The following NHSL1 variants were observed in gnomAD, a reference collection of about 807,000 sequenced individuals.
NHSL1 encodes the protein NHS like 1.
In NHSL1, 48 loss-of-function variants were observed where a neutral mutation model predicts 95.0. The ratio of observed to expected loss-of-function variants is 0.51; its 90% CI spans 0.40 to 0.64. The LOEUF (loss-of-function observed/expected upper bound fraction) is 0.64. NHSL1 is among the 30% of genes least tolerant of loss of function. The probability of loss-of-function intolerance (pLI) is 0.00; values close to 1 mark genes in which losing one functional copy is unlikely to be tolerated. For missense variants in NHSL1, 1,971 were observed against 2,077.7 expected (o/e 0.95, Z 1.00); for synonymous variants, 783 against 833.9 (o/e 0.94, Z 1.05).
chr6:138,599,528 A>G (rs1784345689), intron 1 of NHSL1, among the ~76,000 whole-genome samples: 1 of 152,098 alleles, frequency 6.6e-6, no homozygotes, highest in South Asian at 2.1e-4. Flanking sequence ...AAACAGAAAG[A>G]TTTAGAACTC....
chr6:138,557,207 A>G (rs1337873697), intron 1 of NHSL1, among the ~76,000 whole-genome samples: 1 of 152,246 alleles, frequency 6.6e-6, no homozygotes, highest in Non-Finnish European at 1.5e-5. Flanking sequence ...AACAGAAGAT[A>G]AACATGTAAA....
intron 1 of NHSL1, among the ~76,000 whole-genome samples, chr6:138,591,725 C>T (rs752078968): frequency 1.3e-5 from 2 of 152,204 alleles, no homozygotes; most frequent in African/African-American, 4.8e-5. Context: ...AGCCACCCTG[C>T]CCAGCTAATT....
intron 1 of NHSL1, among the ~76,000 whole-genome samples, chr6:138,684,529 C>T (rs1008639453): frequency 3.9e-5 from 6 of 152,034 alleles, no homozygotes; most frequent in Non-Finnish European, 8.8e-5. Flanking sequence ...CCTGTAATCC[C>T]AGCTACTCAG....
At chr6:138,469,673 C>T (rs541321547) in intron 3 of NHSL1, among the ~76,000 whole-genome samples, 6 of 152,126 alleles carry the variant, frequency 3.9e-5, no homozygotes, top group East Asian at 3.9e-4. Flanking sequence ...TACAGTGAAC[C>T]GTGACTGCGC....
Position 138,555,080 on chromosome 6 carries a change from C to A in NHSL1, c.202+16630G>T, listed in dbSNP as rs183125974. Among the ~76,000 whole-genome samples, 28 of 152,240 alleles carry A rather than the reference C, an allele frequency of 1.8e-4. No individual in the cohort carries two copies. In the South Asian group the frequency reaches 4.4e-3, roughly 24 times the overall value. On this transcript the variant is annotated intron_variant, in intron 1 of 6. Coordinates refer to the NHSL1 transcript ENST00000427025. ...CATCTTCAGGGGTGGAGTCTTGCCACGGTGCATAATAATCCCAGAGTTACA... is the reference window on the plus strand; with the variant it reads ...CATCTTCAGGGGTGGAGTCTTGCCAAGGTGCATAATAATCCCAGAGTTACA...
intron 1 of NHSL1, among the ~76,000 whole-genome samples, chr6:138,586,662 C>T (rs1014181978): frequency 2.6e-5 from 4 of 152,258 alleles, no homozygotes; most frequent in African/African-American, 9.6e-5. Flanking sequence ...CTAGAGAAAT[C>T]AATAGTCTCA....
At chr6:138,513,072 A>G (rs75583114) in intron 1 of NHSL1, among the ~76,000 whole-genome samples, 4,382 of 152,258 alleles carry the variant, frequency 0.029, 84 homozygotes, top group Admixed American at 0.048. Flanking sequence ...ACCCCCTCTG[A>G]TATTTCTGGA....
upstream of NHSL1, among the ~76,000 whole-genome samples, chr6:138,504,002 A>T (rs1384118067): frequency 1.3e-5 from 2 of 152,142 alleles, no homozygotes; most frequent in Non-Finnish European, 2.9e-5. Flanking sequence ...AGGCTGAGGC[A>T]GGAGGACTGC....
intron 1 of NHSL1, chr6:138,650,622 C>T (rs1785078787): frequency 1.7e-6 from 1 of 576,640 alleles, no homozygotes; most frequent in Admixed American, 1.9e-5. Flanking sequence ...CCCAATGGAG[C>T]TCAGCACGCC....
intron 1 of NHSL1, among the ~76,000 whole-genome samples, chr6:138,584,375 T>A (rs1304656536): frequency 1.3e-5 from 2 of 152,222 alleles, no homozygotes; most frequent in Non-Finnish European, 2.9e-5. Context: ...ACTTAAAAAA[T>A]TTAAGATGAC....
chr6:138,486,675 C>T (rs527547473), intron 2 of NHSL1, among the ~76,000 whole-genome samples: 37 of 152,306 alleles, frequency 2.4e-4, no homozygotes, highest in Admixed American at 1.4e-3. Flanking sequence ...TCTGATCTCT[C>T]TCCTGTGTTT....
At chr6:138,618,763 C>A (rs1364802530) in intron 1 of NHSL1, among the ~76,000 whole-genome samples, 1 of 152,116 alleles carries the variant, frequency 6.6e-6, no homozygotes, top group African/African-American at 2.4e-5. Context: ...ATGACTTGTA[C>A]CGAGTGATCT....
upstream of NHSL1, among the ~76,000 whole-genome samples, chr6:138,575,968 T>C (rs1025561340): frequency 5.8e-5 from 8 of 137,036 alleles, 1 homozygote; most frequent in African/African-American, 1.5e-4. Flanking sequence ...TACATTTATT[T>C]ATTTATTTAT....
At chr6:138,669,851 T>A (rs993583636) in intron 1 of NHSL1, among the ~76,000 whole-genome samples, 1 of 152,186 alleles carries the variant, frequency 6.6e-6, no homozygotes, top group African/African-American at 2.4e-5. Context: ...CCGGGTGCAG[T>A]GGCTCACACC....
chr6:138,462,000 G>A (rs1212058978), intron 3 of NHSL1, among the ~76,000 whole-genome samples: 1 of 152,148 alleles, frequency 6.6e-6, no homozygotes, highest in African/African-American at 2.4e-5. Flanking sequence ...ACACAGCAGG[G>A]CATTACAATG....
chr6:138,512,251 C>A (rs952143458), intron 1 of NHSL1: 2 of 453,370 alleles, frequency 4.4e-6, no homozygotes, highest in Non-Finnish European at 8.8e-6. Context: ...TATCTTATTA[C>A]AACTGCTTTC....
intron 1 of NHSL1, among the ~76,000 whole-genome samples, chr6:138,643,016 C>T (rs1483973380): frequency 6.6e-6 from 1 of 152,112 alleles, no homozygotes; most frequent in Non-Finnish European, 1.5e-5. Context: ...CTTACCTATC[C>T]CTACCATGAG....
At chr6:138,495,303 G>T (rs1235806378) in intron 2 of NHSL1, among the ~76,000 whole-genome samples, 1 of 152,094 alleles carries the variant, frequency 6.6e-6, no homozygotes, top group Non-Finnish European at 1.5e-5. Flanking sequence ...CTAGATATAG[G>T]AATACATTCT....
chr6:138,450,549 C>T (rs1768365774), intron 3 of NHSL1, among the ~76,000 whole-genome samples: 1 of 152,200 alleles, frequency 6.6e-6, no homozygotes, highest in African/African-American at 2.4e-5. Flanking sequence ...CTCATCAGCC[C>T]CACTAACCTA....
Sources: gnomAD v4.1 joint callset for allele counts (sites outside exome capture counted in the v4.1 genomes callset) on GRCh38, gnomAD v4.1.1 for gene constraint, MANE v1.5 for transcripts, NCBI Gene and HGNC (gene_info 2026-07-23, HGNC 2026-07-21) for gene names.